ASCC3: variants seen among roughly 807,000 people sequenced by gnomAD.
ASCC3 encodes ASC-1 complex subunit P200.
A neutral mutation model predicts 256.3 loss-of-function variants in ASCC3; 158 were observed. That is an observed-to-expected ratio of 0.62 (90% CI 0.54 to 0.70). ASCC3 has a LOEUF of 0.70. ASCC3 is among the 30% of genes least tolerant of loss of function. The pLI, the probability that ASCC3 is intolerant of heterozygous loss-of-function variation, is 0.00. For missense variants in ASCC3, 2,259 were observed against 2,626.0 expected, an observed-to-expected ratio of 0.86 and a Z score of 3.05; for synonymous variants, 948 against 883.4, an observed-to-expected ratio of 1.07 and a Z score of -1.30.
intron 4 of ASCC3, among the ~76,000 whole-genome samples, chr6:100,826,550 A>T (rs540899223): frequency 6.6e-6 from 1 of 152,296 alleles, no homozygotes; most frequent in African/African-American, 2.4e-5. Flanking sequence ...GTCATCCATC[A>T]TATCTGTAAT....
At chr6:100,554,540 A>G (rs564159453) in intron 36 of ASCC3, among the ~76,000 whole-genome samples, 1 of 152,290 alleles carries the variant, frequency 6.6e-6, no homozygotes, top group Non-Finnish European at 1.5e-5. Flanking sequence ...GTCATGGGAA[A>G]AGTAAAACTT....
At chr6:100,695,395 G>A (rs780046775) in intron 13 of ASCC3, among the ~76,000 whole-genome samples, 17 of 152,094 alleles carry the variant, frequency 1.1e-4, no homozygotes, top group Non-Finnish European at 2.1e-4. Flanking sequence ...AGCAAGTTTA[G>A]TAGACCCTGT....
intron 16 of ASCC3, among the ~76,000 whole-genome samples, chr6:100,661,578 C>T (rs1776222240): frequency 6.6e-6 from 1 of 151,836 alleles, no homozygotes; most frequent in Non-Finnish European, 1.5e-5. Flanking sequence ...AGGAAAGCCT[C>T]ATAGTTTAAA....
Position 100,646,921 on chromosome 6 carries a change from G to C in ASCC3, c.3479-152C>G, listed in dbSNP as rs1208627942. ...CTGACATTCTTGACCTGGCATGTTT[G>C]AATATTTTGTAATAGTTAACTTGAA... On this transcript the variant is annotated intron_variant, in intron 21 of 41. Transcript: ENST00000369162. 5.0e-5 allele frequency: 45 copies of C among 899,068 alleles called. 1 individual carries two copies. The highest frequency in any genetic ancestry group is 1.6e-4 in the South Asian group (11 of 68,682). The allele number at this position is 899,068 out of a possible 1,614,324, so 55.7% of individuals were successfully genotyped here. A position where few individuals can be genotyped will look rare whatever the true frequency, so the allele number is the denominator to read the frequency against.
rs530295171 is a variant in ASCC3 at position 100,534,126 on chromosome 6, C to T, written c.5775+6037G>A. On this transcript the variant is annotated intron_variant, in intron 37 of 41. Transcript: ENST00000369162. ...AGGCGTGGTGGCTTGCACCTGTAGT[C>T]CCAGCTACTCAGGAGGCTGAGGTGG... is the stretch of plus-strand genomic sequence containing the variant. 2.6e-5 allele frequency among the ~76,000 whole-genome samples: 4 copies of T among 152,272 alleles called. No individual in the cohort carries two copies. In the South Asian group the frequency reaches 8.3e-4, roughly 32 times the overall value.
chr6:100,847,299 G>A (rs1303524545), intron 4 of ASCC3, among the ~76,000 whole-genome samples: 1 of 152,034 alleles, frequency 6.6e-6, no homozygotes, highest in African/African-American at 2.4e-5. Context: ...ACAATATTAT[G>A]TTCAGAATGT....
rs76052883 is a variant in ASCC3 at position 100,740,301 on chromosome 6, T to G, written c.1738-14598A>C. Among the ~76,000 whole-genome samples, 1,309 of 152,332 alleles carry G rather than the reference T, an allele frequency of 8.6e-3. 17 individuals carry two copies. The highest frequency in any genetic ancestry group is 0.011 in the Non-Finnish European group (737 of 68,020). ...ATTGCACTGTGGTCTGAAAGACTGT[T>G]GATTATGATTTCAGTTTTTACGCAT... On this transcript the variant is annotated intron_variant, in intron 10 of 41. Transcript: ENST00000369162.
At chr6:100,870,297 G>A (rs1268884977) in intron 1 of ASCC3, among the ~76,000 whole-genome samples, 1 of 151,464 alleles carries the variant, frequency 6.6e-6, no homozygotes, top group Non-Finnish European at 1.5e-5. Context: ...CTGGGAGGCA[G>A]AGGTAGCAGT....
chr6:100,581,066 G>A (rs898999389), intron 36 of ASCC3, among the ~76,000 whole-genome samples: 6 of 152,144 alleles, frequency 3.9e-5, no homozygotes, highest in Admixed American at 1.3e-4. Context: ...CTTTATAGCA[G>A]CATGATTTAT....
intron 18 of ASCC3, 111 bp from the exon 19 acceptor site, chr6:100,651,757 G>T: frequency 2.4e-6 from 1 of 424,976 alleles, no homozygotes; most frequent in Non-Finnish European, 4.0e-6. Flanking sequence ...CCTAGACAGT[G>T]CAGTTATAAT....
chr6:100,861,873 G>A (rs1359876680), intron 3 of ASCC3, among the ~76,000 whole-genome samples: 2 of 152,066 alleles, frequency 1.3e-5, no homozygotes, highest in Admixed American at 6.6e-5. Context: ...GATAGCCAGA[G>A]AAAGCAATCT....
chr6:100,734,781 T>C (rs955152961), intron 10 of ASCC3, among the ~76,000 whole-genome samples: 1 of 152,176 alleles, frequency 6.6e-6, no homozygotes, highest in Non-Finnish European at 1.5e-5. Flanking sequence ...AGCAAGGTAG[T>C]AGCCCAAAGT....
intron 36 of ASCC3, among the ~76,000 whole-genome samples, chr6:100,587,374 A>G (rs1241194775): frequency 1.3e-5 from 2 of 152,304 alleles, no homozygotes; most frequent in African/African-American, 4.8e-5. Context: ...CAATTATACA[A>G]TCTTGCTGTA....
chr6:100,723,873 TATATATATATATATATATATATATTTATA>T, intron 11 of ASCC3, among the ~76,000 whole-genome samples: 1 of 79,480 alleles, frequency 1.3e-5, no homozygotes, highest in Non-Finnish European at 2.6e-5. Context: ...TATATATATA[TATATATATATATATATATATATATTTATA>T]ATTATATATA....
intron 12 of ASCC3, 149 bp downstream of exon 12, chr6:100,717,926 C>T: frequency 1.5e-6 from 1 of 665,616 alleles, no homozygotes; most frequent in Non-Finnish European, 2.6e-6. Flanking sequence ...GATATCACAT[C>T]TGTAATGTGA....
intron 8 of ASCC3, among the ~76,000 whole-genome samples, chr6:100,795,342 G>C (rs533078623): frequency 2.6e-5 from 4 of 152,000 alleles, no homozygotes; most frequent in Non-Finnish European, 4.4e-5. Flanking sequence ...AACACAAAAG[G>C]GGGTGGGTAA....
At chr6:100,726,290 A>G (rs1483862090) in intron 10 of ASCC3, among the ~76,000 whole-genome samples, 1 of 151,992 alleles carries the variant, frequency 6.6e-6, no homozygotes, top group African/African-American at 2.4e-5. Flanking sequence ...GGCACATTAA[A>G]ATATAAAACT....
At chr6:100,770,772 G>A (rs1781880602) in intron 8 of ASCC3, among the ~76,000 whole-genome samples, 1 of 151,290 alleles carries the variant, frequency 6.6e-6, no homozygotes, top group Non-Finnish European at 1.5e-5. Context: ...AATATGAAAA[G>A]AGATGGGAAA....
chr6:100,638,701 G>A lies in ASCC3; in HGVS notation c.4022C>T (p.Thr1341Met), dbSNP rs755169064. The change falls in exon 25 of 42, where the codon ACG (threonine) becomes ATG (methionine). Residue 1341 changes from threonine (T) to methionine (M), a missense_variant. Physicochemically the swap from Thr to Met is moderately conservative, Grantham distance 81. Transcript: ENST00000369162. ...QTQIFHTLYH[T>M]DCNVLLGAPT... ...TGCTCCAAGTAGGACATTACAATCC[G>A]TGTGATACAATGTATGAAATATTTG... 18 of 1,613,848 alleles carry A rather than the reference G, an allele frequency of 1.1e-5. No individual in the cohort carries two copies. The highest frequency in any genetic ancestry group is 1.6e-4 in the Middle Eastern group (1 of 6,080).
Sources: allele counts gnomAD v4.1 joint callset (sites outside exome capture counted in the v4.1 genomes callset), GRCh38; gene constraint gnomAD v4.1.1; transcripts MANE v1.5; gene names NCBI Gene and HGNC (gene_info 2026-07-23, HGNC 2026-07-21).